DIAPH2: variants seen among roughly 807,000 people sequenced by gnomAD.
The protein encoded by DIAPH2 is diaphanous related formin 2, also known as protein diaphanous homolog 2.
Under a neutral mutation model 92.7 loss-of-function variants are expected in DIAPH2, and 35 were observed. The observed-to-expected ratio is 0.38, with a 90% confidence interval of 0.29 to 0.50. The LOEUF is 0.50. Ranked by LOEUF, DIAPH2 falls within the 20% of genes least tolerant of loss-of-function variation. The pLI, the probability that DIAPH2 is intolerant of heterozygous loss-of-function variation, is 0.94. For synonymous variants in DIAPH2, 301 were observed against 280.4 expected (o/e 1.07, Z -0.73); for missense variants, 701 against 819.5 (o/e 0.86, Z 1.77).
chrX:96,760,162 A>G (rs1220758009), intron 4 of DIAPH2, among the ~76,000 whole-genome samples: 1 of 111,504 alleles, frequency 9.0e-6, no homozygotes, highest in African/African-American at 3.2e-5. Context: ...TGGGCCAGAT[A>G]CTATGATGGA....
chrX:97,116,887 A>G (rs587489), intron 21 of DIAPH2, among the ~76,000 whole-genome samples: 2,757 of 111,670 alleles, frequency 0.025, 84 homozygotes, highest in African/African-American at 0.084. Flanking sequence ...TACATCTTAT[A>G]TTTTGGAGAG....
intron 22 of DIAPH2, among the ~76,000 whole-genome samples, chrX:97,223,155 C>T (rs2067939218): frequency 1.8e-5 from 2 of 111,524 alleles, no homozygotes; most frequent in African/African-American, 6.5e-5. Context: ...ACAAAAGGAT[C>T]TCTTGTCCTT....
chrX:97,090,298 C>CTTTTTTTT lies in DIAPH2; in HGVS notation c.2248-9367_2248-9360dup, dbSNP rs760073834. Among the ~76,000 whole-genome samples, 33 of 38,871 alleles carry CTTTTTTTT rather than the reference C, an allele frequency of 8.5e-4. 10 individuals carry two copies. Among genetic ancestry groups the CTTTTTTTT allele is most frequent in the South Asian group, 2.9e-3 (1 of 346 alleles). 33.8% of individuals were successfully genotyped at this position (38,871 alleles called of 115,157 possible). The stretch of plus-strand genomic sequence containing the variant: ...GTGATCCTCTGATTGTCTCTGATCC[C>CTTTTTTTT]TTTTTTTTTTTTTTTTTTTTTTTTT... On this transcript the variant is annotated intron_variant, in intron 19 of 26. Coordinates refer to ENST00000324765, the MANE Select transcript of DIAPH2 (RefSeq NM_006729.5).
intron 4 of DIAPH2, among the ~76,000 whole-genome samples, chrX:96,856,745 A>T (rs1429840752): frequency 1.8e-5 from 2 of 110,603 alleles, no homozygotes; most frequent in Non-Finnish European, 3.8e-5. Flanking sequence ...AGAAAAAAAA[A>T]TGTGGTCTTG....
intron 26 of DIAPH2, among the ~76,000 whole-genome samples, chrX:97,584,406 A>G (rs1396134998): frequency 8.9e-6 from 1 of 112,500 alleles, no homozygotes; most frequent in East Asian, 2.8e-4. Flanking sequence ...AAATAGGCAT[A>G]AACTCTATAT....
intron 26 of DIAPH2, among the ~76,000 whole-genome samples, chrX:97,565,572 A>G (rs2071321090): frequency 8.9e-6 from 1 of 112,517 alleles, no homozygotes; most frequent in Admixed American, 9.4e-5. Flanking sequence ...TATGAAATTT[A>G]ATTTGTTTAG....
intron 22 of DIAPH2, among the ~76,000 whole-genome samples, chrX:97,155,877 A>G (rs958209894): frequency 7.1e-5 from 8 of 112,208 alleles, no homozygotes; most frequent in African/African-American, 2.3e-4. Context: ...TTATATTTGC[A>G]TGCACTGAAA....
intron 17 of DIAPH2, among the ~76,000 whole-genome samples, chrX:97,038,433 T>A (rs370127597): frequency 9.0e-6 from 1 of 111,660 alleles, no homozygotes; most frequent in African/African-American, 3.3e-5. Context: ...GAAATCTCCA[T>A]ACTGTTTTCC....
chrX:97,461,849 T>C (rs1248521338), intron 26 of DIAPH2, among the ~76,000 whole-genome samples: 1 of 111,848 alleles, frequency 8.9e-6, no homozygotes, highest in Non-Finnish European at 1.9e-5. Context: ...TACTTTGTTA[T>C]TTAAAATAGC....
At chrX:97,403,854 C>CTT (rs775278102) in intron 25 of DIAPH2, among the ~76,000 whole-genome samples, 190 of 98,291 alleles carry the variant, frequency 1.9e-3, no homozygotes, top group African/African-American at 6.8e-3. Context: ...ACAGATAATC[C>CTT]TTTTTTTTTT....
At chrX:97,047,833 A>G (rs1316526047) in intron 17 of DIAPH2, among the ~76,000 whole-genome samples, 1 of 110,166 alleles carries the variant, frequency 9.1e-6, no homozygotes, top group East Asian at 2.8e-4. Flanking sequence ...ATTGTATCTT[A>G]GCTTTTATCA....
At position 97,487,279 on chromosome X, in the gene DIAPH2, G is replaced by GT. The variant is rs759423917; in HGVS notation, c.3241+57542dup. Among the ~76,000 whole-genome samples, 523 of 109,985 alleles carry GT rather than the reference G, an allele frequency of 4.8e-3. 1 individual carries two copies. The highest frequency in any genetic ancestry group is 0.015 in the African/African-American group (452 of 30,239). Reference sequence around the variant, plus strand: ...GATCCTGCTGTCAATTCTTTTTTTTGTTTTTTTTGTTTTGAGACAGAGTCT... The same window carrying GT: ...GATCCTGCTGTCAATTCTTTTTTTTGTTTTTTTTTGTTTTGAGACAGAGTCT... On this transcript the variant is annotated intron_variant, in intron 26 of 26. Transcript: ENST00000324765.
rs750204074 is a variant in DIAPH2, at chrX:96,688,953, G to GA, written c.132+3775dup. ...GCGACAGAGAACCCATCTCTTTAAG[G>GA]AAAAAAAAAAAAGCAGTGTGATAAG... is the stretch of plus-strand genomic sequence containing the variant. On this transcript the variant is annotated intron_variant, in intron 1 of 26. Coordinates refer to ENST00000324765, the MANE Select transcript of DIAPH2 (RefSeq NM_006729.5). Among the ~76,000 whole-genome samples the GA allele has an allele frequency of 6.4e-4, 64 of 99,818 alleles. 2 individuals carry two copies. Among genetic ancestry groups the GA allele is most frequent in the Middle Eastern group, 1.0e-2 (2 of 201 alleles). 86.7% of individuals were successfully genotyped at this position (99,818 alleles called of 115,157 possible).
chrX:96,752,751 T>C (rs1033416869), intron 3 of DIAPH2, among the ~76,000 whole-genome samples: 1 of 111,900 alleles, frequency 8.9e-6, no homozygotes, highest in Non-Finnish European at 1.9e-5. Context: ...CAACACAGTT[T>C]ATGTAGCAAA....
At chrX:96,962,280 T>TACATAC (rs2065854344) in intron 16 of DIAPH2, among the ~76,000 whole-genome samples, 2 of 77,923 alleles carry the variant, frequency 2.6e-5, no homozygotes, top group African/African-American at 9.9e-5. Flanking sequence ...TATACATATA[T>TACATAC]ATATACATAT....
At chrX:97,318,450 T>C (rs2068859154) in intron 23 of DIAPH2, among the ~76,000 whole-genome samples, 6 of 106,788 alleles carry the variant, frequency 5.6e-5, no homozygotes, top group Admixed American at 5.1e-4. Context: ...CACTGGTCTA[T>C]TCTTGATTAC....
intron 4 of DIAPH2, among the ~76,000 whole-genome samples, chrX:96,873,989 ACT>A (rs1212167690): frequency 2.7e-5 from 3 of 111,790 alleles, no homozygotes; most frequent in Non-Finnish European, 3.8e-5. Flanking sequence ...AGGTTGTATA[ACT>A]CAAGTAATTT....
chrX:96,896,221 G>A (rs989954811), intron 5 of DIAPH2, among the ~76,000 whole-genome samples: 1 of 111,240 alleles, frequency 9.0e-6, no homozygotes, highest in African/African-American at 3.3e-5. Context: ...TAATTAAAAA[G>A]ATGAAAACCA....
At chrX:97,334,324 G>A (rs1341623049) in intron 23 of DIAPH2, among the ~76,000 whole-genome samples, 1 of 109,833 alleles carries the variant, frequency 9.1e-6, no homozygotes, top group Non-Finnish European at 1.9e-5. Flanking sequence ...TTAGCCGAGC[G>A]TGGTGGCGGG....
Sources: gnomAD v4.1 joint callset for allele counts (sites outside exome capture counted in the v4.1 genomes callset) on GRCh38, gnomAD v4.1.1 for gene constraint, MANE v1.5 for transcripts, NCBI Gene and HGNC (gene_info 2026-07-23, HGNC 2026-07-21) for gene names.